The following MGST1 variants were observed in gnomAD, a reference collection of about 807,000 sequenced individuals.
The protein encoded by MGST1 is glutathione S-transferase 12.
Under a neutral mutation model 8.9 loss-of-function variants are expected in MGST1, and 5 were observed. The ratio of observed to expected loss-of-function variants is 0.56; its 90% CI spans 0.29 to 1.19. The LOEUF (loss-of-function observed/expected upper bound fraction) is 1.19, where lower values mean the gene tolerates loss of function less well. Ranked by LOEUF, MGST1 falls within the 50% of genes most tolerant of loss-of-function variation. The probability of loss-of-function intolerance (pLI) is 0.08; values close to 1 mark genes in which losing one functional copy is unlikely to be tolerated. For synonymous variants in MGST1, 54 were observed against 67.8 expected, an observed-to-expected ratio of 0.80 and a Z score of 1.00; for missense variants, 182 against 187.4, an observed-to-expected ratio of 0.97 and a Z score of 0.17.
intron 3 of MGST1, among the ~76,000 whole-genome samples, chr12:16,370,790 A>T (rs1218748656): frequency 6.6e-6 from 1 of 152,064 alleles, no homozygotes; most frequent in Admixed American, 6.6e-5. Flanking sequence ...ATATTCTGTG[A>T]CTCTAAAAAT....
At chr12:16,412,034 TA>T (rs1053840033) in intron 1 of MGST1, among the ~76,000 whole-genome samples, 1 of 152,136 alleles carries the variant, frequency 6.6e-6, no homozygotes, top group African/African-American at 2.4e-5. Flanking sequence ...AGTAAACTAT[TA>T]AAAAAATTAG....
chr12:16,516,316 T>C (rs1288991290), intron 4 of MGST1, among the ~76,000 whole-genome samples: 1 of 152,220 alleles, frequency 6.6e-6, no homozygotes, highest in Non-Finnish European at 1.5e-5. Context: ...GAAAGTAATA[T>C]GGAGTCATTA....
exon 2 of MGST1, chr12:16,437,807 C>T (rs908852520): frequency 6.6e-6 from 1 of 151,868 alleles, no homozygotes; most frequent in Non-Finnish European, 1.5e-5. Context: ...AATTAACGCC[C>T]CACAGATGTA....
chr12:16,352,942 A>C (rs1939534649), intron 1 of MGST1, among the ~76,000 whole-genome samples: 1 of 152,070 alleles, frequency 6.6e-6, no homozygotes. Flanking sequence ...GGATATTATA[A>C]ATTTATTGAG....
chr12:16,391,085 TG>T (rs1940548177), intron 1 of MGST1, among the ~76,000 whole-genome samples: 1 of 152,180 alleles, frequency 6.6e-6, no homozygotes, highest in Admixed American at 6.5e-5. Context: ...TTCATATGCT[TG>T]TTGGCCAGAT....
In MGST1 at chr12:16,559,854, C is replaced by T. The variant is rs1222249425; in HGVS notation, n.483-29674C>T. 2.0e-5 allele frequency among the ~76,000 whole-genome samples: 3 copies of T among 151,116 alleles called. No individual in the cohort carries two copies. The highest frequency in any genetic ancestry group is 2.1e-4 in the South Asian group (1 of 4,790). On this transcript the variant is annotated intron_variant and non_coding_transcript_variant, in intron 4 of 4. Coordinates refer to the MGST1 transcript ENST00000538857. The surrounding 1 kb of genome is among the most constrained non-coding windows in gnomAD (Gnocchi z 4.1). ...GTGCACACCTGTACTCCCAGCTACT[C>T]GGGAGGCTGAGGCAGGAGGATTGCT...
At chr12:16,467,856 G>A (rs1021916598) in intron 4 of MGST1, among the ~76,000 whole-genome samples, 3 of 152,096 alleles carry the variant, frequency 2.0e-5, no homozygotes, top group Admixed American at 1.3e-4. Flanking sequence ...TAGCTCAAGA[G>A]AAACTCCTAC....
rs566437255 is a variant in MGST1 at position 16,464,254 on chromosome 12, A to G, written n.482+80650A>G. The stretch of plus-strand genomic sequence containing the variant: ...CACAAAGTACCATTTATTTCATTAC[A>G]TTTCCGCCCATTTTCATGTTATCTA... On this transcript the variant is annotated intron_variant and non_coding_transcript_variant, in intron 4 of 4. Transcript: ENST00000538857. 1.5e-4 allele frequency among the ~76,000 whole-genome samples: 23 copies of G among 152,320 alleles called. No individual in the cohort carries two copies. The South Asian group carries it at 4.4e-3, about 29-fold the overall frequency.
chr12:16,481,592 C>T (rs1412747363), intron 4 of MGST1, among the ~76,000 whole-genome samples: 3 of 151,976 alleles, frequency 2.0e-5, no homozygotes, highest in Non-Finnish European at 4.4e-5. Flanking sequence ...ATTAACACTA[C>T]AGTTATTGAA....
chr12:16,439,627 G>T (rs746331095), downstream of MGST1, among the ~76,000 whole-genome samples: 1 of 151,678 alleles, frequency 6.6e-6, no homozygotes, highest in Non-Finnish European at 1.5e-5. Context: ...CAAGGTGGAG[G>T]GGTAGAAGGT....
intron 4 of MGST1, among the ~76,000 whole-genome samples, chr12:16,472,433 G>GTTT (rs766108157): frequency 7.7e-6 from 1 of 129,746 alleles, no homozygotes; most frequent in African/African-American, 2.8e-5. Flanking sequence ...CCTTCCTTCT[G>GTTT]TTTTTTTTTT....
chr12:16,376,133 C>A, exon 4 of MGST1: 2 of 1,313,232 alleles, frequency 1.5e-6, no homozygotes, highest in South Asian at 1.3e-5. Context: ...ATCAAACAAA[C>A]CCTGAGCATT....
At chr12:16,590,028 C>T (rs1286668935), downstream of MGST1, among the ~76,000 whole-genome samples, 2 of 152,080 alleles carry the variant, frequency 1.3e-5, no homozygotes, top group Non-Finnish European at 2.9e-5. Context: ...AGCACATTTG[C>T]ATAGCTTCTT....
intron 1 of MGST1, among the ~76,000 whole-genome samples, chr12:16,408,187 A>G (rs993081570): frequency 4.6e-5 from 7 of 152,062 alleles, no homozygotes; most frequent in Non-Finnish European, 7.4e-5. Context: ...ATGGACATAA[A>G]GAAGAGAACA....
At chr12:16,501,932 A>G (rs944058005) in intron 4 of MGST1, among the ~76,000 whole-genome samples, 2 of 152,180 alleles carry the variant, frequency 1.3e-5, no homozygotes, top group Admixed American at 6.5e-5. Flanking sequence ...AATTATCTAA[A>G]TTATTCTAGG....
chr12:16,401,764 A>G lies in MGST1; in HGVS notation n.778+18160A>G. On this transcript the variant is annotated intron_variant and non_coding_transcript_variant, in intron 1 of 1. Transcript: ENST00000359720. This position sits in a 1 kb window ranked among gnomAD's most constrained non-coding sequence, Gnocchi z 4.3. ...TTCTCTTCAACGGCCTTTTCCACAG[A>G]CTCAGCCAGTTTGCTGTGTCAAACT... is the stretch of plus-strand genomic sequence containing the variant. 1 of 1,600,240 alleles carries G rather than the reference A, an allele frequency of 6.2e-7. No homozygotes were observed. The highest frequency in any genetic ancestry group is 8.6e-7 in the Non-Finnish European group (1 of 1,167,432).
At position 16,500,002 on chromosome 12, in the gene MGST1, G is replaced by T. The variant is rs993176523; in HGVS notation, n.483-89526G>T. On this transcript the variant is annotated intron_variant and non_coding_transcript_variant, in intron 4 of 4. Transcript: ENST00000538857. The surrounding 1 kb of genome is among the most constrained non-coding windows in gnomAD (Gnocchi z 4.3). ...AAAAAGTGTTTGGTGAGTCATTTCT[G>T]ATCATTTTAAAGGACAGTCTTAGAA... Among the ~76,000 whole-genome samples, 2 of 152,156 alleles carry T rather than the reference G, an allele frequency of 1.3e-5. No homozygotes were observed. Among genetic ancestry groups the T allele is most frequent in the Non-Finnish European group, 2.9e-5 (2 of 68,030 alleles).
intron 4 of MGST1, among the ~76,000 whole-genome samples, chr12:16,528,965 G>A (rs1941705836): frequency 6.6e-6 from 1 of 151,974 alleles, no homozygotes; most frequent in Non-Finnish European, 1.5e-5. Flanking sequence ...GTTAGAAGAT[G>A]AAAGTCAGTG....
intron 4 of MGST1, chr12:16,573,468 T>A (rs892680628): frequency 2.0e-5 from 3 of 152,178 alleles, no homozygotes; most frequent in African/African-American, 4.8e-5. Context: ...TCCACATGTA[T>A]AAATAAAGTA....
Sources: gnomAD v4.1 joint callset for allele counts (sites outside exome capture counted in the v4.1 genomes callset) on GRCh38, gnomAD v4.1.1 for gene constraint, Gnocchi (gnomAD v3.1) non-coding constraint, MANE v1.5 for transcripts, NCBI Gene and HGNC (gene_info 2026-07-23, HGNC 2026-07-21) for gene names.